Variants in PTK2 observed in about 807,000 individuals in gnomAD.
PTK2 encodes protein tyrosine kinase 2, also known as focal adhesion kinase 1.
PTK2 carries 45 observed loss-of-function variants against 150.1 expected under a neutral mutation model. The observed-to-expected ratio is 0.30, with a 90% CI of 0.24 to 0.38. The LOEUF (loss-of-function observed/expected upper bound fraction) is 0.38. Among genes scored for constraint, PTK2 ranks in the 10% least tolerant of loss-of-function variants. The probability of loss-of-function intolerance (pLI) is 1.00; values close to 1 mark genes in which losing one functional copy is unlikely to be tolerated. For synonymous variants in PTK2, 432 were observed against 449.2 expected, an observed-to-expected ratio of 0.96 and a Z score of 0.48; for missense variants, 919 against 1,307.3, an observed-to-expected ratio of 0.70 and a Z score of 4.58.
intron 4 of PTK2, among the ~76,000 whole-genome samples, chr8:140,866,107 TAATC>T (rs1811107083): frequency 6.6e-6 from 1 of 152,152 alleles, no homozygotes; most frequent in Admixed American, 6.5e-5. Flanking sequence ...CTATTTCTCT[TAATC>T]AATTTAATAA....
chr8:140,778,815 G>A (rs1396669414), intron 14 of PTK2, among the ~76,000 whole-genome samples: 1 of 152,152 alleles, frequency 6.6e-6, no homozygotes, highest in African/African-American at 2.4e-5. Flanking sequence ...AGCAGAATGG[G>A]GATGGGATCA....
intron 23 of PTK2, among the ~76,000 whole-genome samples, chr8:140,717,036 G>A (rs1017591634): frequency 1.3e-5 from 2 of 152,154 alleles, no homozygotes; most frequent in South Asian, 2.1e-4. Flanking sequence ...GAACATAAGC[G>A]GGCAAGTAAG....
Position 140,688,047 on chromosome 8 carries a change from A to G in PTK2, c.2500-1353T>C, listed in dbSNP as rs60239609. Among the ~76,000 whole-genome samples, 424 of 152,306 alleles carry G rather than the reference A, an allele frequency of 2.8e-3. 4 individuals are homozygous for G. Among genetic ancestry groups the G allele is most frequent in the Middle Eastern group, 0.02 (6 of 294 alleles). On this transcript the variant is annotated intron_variant, in intron 26 of 31. Transcript: ENST00000522684. ...GTTGTTAACAGTCCTCAGGGATTCC[A>G]TATGGGAAAAGGTGAAACTTGTGTG...
chr8:140,815,170 G>C (rs4480166), intron 10 of PTK2, among the ~76,000 whole-genome samples: 4 of 151,444 alleles, frequency 2.6e-5, no homozygotes, highest in African/African-American at 9.7e-5. Context: ...CCCATCGATG[G>C]TAGACTGGAT....
intron 5 of PTK2, among the ~76,000 whole-genome samples, chr8:140,852,223 G>A (rs2100129731): frequency 1.3e-5 from 2 of 152,182 alleles, no homozygotes; most frequent in Admixed American, 6.5e-5. Flanking sequence ...TGCTCTCACT[G>A]AATGCACACC....
At chr8:140,687,051 A>T in intron 26 of PTK2, 1 of 254,480 alleles carries the variant, frequency 3.9e-6, no homozygotes, top group Non-Finnish European at 7.6e-6. Context: ...TTTCTGACAG[A>T]ATATGGCTTA....
chr8:140,681,034 T>C (rs916873863), intron 27 of PTK2, among the ~76,000 whole-genome samples: 4 of 152,196 alleles, frequency 2.6e-5, no homozygotes, highest in African/African-American at 7.2e-5. Context: ...CTGATGGAAA[T>C]TTGGCGTTGG....
At chr8:140,803,614 T>C (rs2100096569) in exon 11 of PTK2, 1 of 1,614,112 alleles carries the variant, frequency 6.2e-7, no homozygotes, top group East Asian at 2.2e-5. Context: ...GAATACTGAA[T>C]GGTTTGCACT....
intron 1 of PTK2, among the ~76,000 whole-genome samples, chr8:140,947,894 T>C (rs1348344186): frequency 6.6e-6 from 1 of 152,030 alleles, no homozygotes; most frequent in East Asian, 1.9e-4. Flanking sequence ...ATAATAATAA[T>C]AATTTTTTAA....
intron 12 of PTK2, among the ~76,000 whole-genome samples, chr8:140,796,159 A>G (rs2100091472): frequency 1.3e-5 from 2 of 152,114 alleles, no homozygotes; most frequent in African/African-American, 4.8e-5. Context: ...AAATAAATCA[A>G]CCTAGGACCC....
intron 14 of PTK2, among the ~76,000 whole-genome samples, chr8:140,768,326 A>G (rs1253041401): frequency 6.6e-6 from 1 of 152,252 alleles, no homozygotes; most frequent in Non-Finnish European, 1.5e-5. Context: ...TGGGTTAAGT[A>G]CACTTGCCCT....
chr8:140,952,759 A>G (rs1697729345), intron 1 of PTK2, among the ~76,000 whole-genome samples: 1 of 152,228 alleles, frequency 6.6e-6, no homozygotes, highest in South Asian at 2.1e-4. Context: ...ATTTACCACC[A>G]GACTTAGAAG....
chr8:140,852,801 T>C (rs2100130141), intron 5 of PTK2, among the ~76,000 whole-genome samples: 1 of 152,204 alleles, frequency 6.6e-6, no homozygotes, highest in Non-Finnish European at 1.5e-5. Context: ...AGGCAAGTTA[T>C]ACAGGAAAAT....
chr8:140,797,344 T>C (rs2100092267), intron 12 of PTK2, among the ~76,000 whole-genome samples: 2 of 152,208 alleles, frequency 1.3e-5, no homozygotes, highest in Non-Finnish European at 2.9e-5. Context: ...ATTTATTATA[T>C]GTGTCATAAT....
chr8:140,807,026 G>A (rs2100098516), intron 10 of PTK2, among the ~76,000 whole-genome samples: 2 of 152,142 alleles, frequency 1.3e-5, no homozygotes, highest in African/African-American at 2.4e-5. Flanking sequence ...GCCCCATGAG[G>A]ATGGGAGTAT....
chr8:140,845,758 T>G (rs2100125052), intron 7 of PTK2, among the ~76,000 whole-genome samples: 1 of 152,210 alleles, frequency 6.6e-6, no homozygotes, highest in Non-Finnish European at 1.5e-5. Flanking sequence ...GTATAGGGTT[T>G]CTAGCCTCCC....
chr8:140,669,439 G>A (rs1357904862), intron 29 of PTK2: 2 of 367,034 alleles, frequency 5.4e-6, no homozygotes, highest in Non-Finnish European at 9.8e-6. Context: ...CTGAACCCTT[G>A]GGTGCTTTTG....
intron 1 of PTK2, among the ~76,000 whole-genome samples, chr8:141,000,250 T>C (rs1027894224): frequency 6.6e-6 from 1 of 151,990 alleles, no homozygotes; most frequent in Non-Finnish European, 1.5e-5. Flanking sequence ...GGAGAAAACT[T>C]GGGAAGCACA....
At chr8:140,671,307 C>A (rs1030506936) in intron 29 of PTK2, among the ~76,000 whole-genome samples, 1 of 152,242 alleles carries the variant, frequency 6.6e-6, no homozygotes, top group African/African-American at 2.4e-5. Context: ...CCACAACCAC[C>A]GCCTCCTGGA....
Sources: allele counts gnomAD v4.1 joint callset (sites outside exome capture counted in the v4.1 genomes callset), GRCh38; gene constraint gnomAD v4.1.1; transcripts MANE v1.5; gene names NCBI Gene and HGNC (gene_info 2026-07-23, HGNC 2026-07-21).